RPS6KC1: variants seen among roughly 807,000 people sequenced by gnomAD.
The protein encoded by RPS6KC1 is ribosomal protein S6 kinase C1, also known as inactive ribosomal protein S6 kinase delta-1.
RPS6KC1 carries 54 observed loss-of-function variants against 103.8 expected under a neutral mutation model. The ratio of observed to expected loss-of-function variants is 0.52; its 90% confidence interval spans 0.42 to 0.65. The LOEUF (loss-of-function observed/expected upper bound fraction) is 0.65, where lower values mean the gene tolerates loss of function less well. Ranked by LOEUF, RPS6KC1 falls within the 30% of genes least tolerant of loss-of-function variation. The pLI is 0.00. For synonymous variants in RPS6KC1, 439 were observed against 438.7 expected (o/e 1.00, Z -0.01); for missense variants, 1,151 against 1,253.8 (o/e 0.92, Z 1.24).
chr1:213,137,783 A>C (rs1346709600), intron 6 of RPS6KC1, among the ~76,000 whole-genome samples: 2,276 of 18,542 alleles, frequency 0.12, 180 homozygotes, highest in East Asian at 0.24. Flanking sequence ...CTCTCTATAT[A>C]TATATATATA....
chr1:213,823,448 C>G, the RPS6KC1 span, among the ~76,000 whole-genome samples: 2 of 152,048 alleles, frequency 1.3e-5, no homozygotes, highest in African/African-American at 4.8e-5. Context: ...AGCTCTGTAT[C>G]CTGTGAGAGC....
chr1:213,750,702 G>A, the RPS6KC1 span, among the ~76,000 whole-genome samples: 2 of 152,270 alleles, frequency 1.3e-5, no homozygotes, highest in Non-Finnish European at 1.5e-5. Context: ...TTTAATAGGT[G>A]GCTGCTTATG....
chr1:213,620,510 G>T, the RPS6KC1 span, among the ~76,000 whole-genome samples: 1 of 152,186 alleles, frequency 6.6e-6, no homozygotes, highest in East Asian at 1.9e-4. Context: ...GGTAGGCCCA[G>T]AACTAGCAAA....
chr1:213,201,048 AAT>A (rs1459208157), intron 8 of RPS6KC1, among the ~76,000 whole-genome samples: 1 of 152,206 alleles, frequency 6.6e-6, no homozygotes. Flanking sequence ...GTGATGAAAT[AAT>A]CTGTACAACA....
chr1:213,622,250 T>TTA, the RPS6KC1 span, among the ~76,000 whole-genome samples: 2 of 151,614 alleles, frequency 1.3e-5, no homozygotes, highest in South Asian at 4.2e-4. Flanking sequence ...TTTTTTTTTT[T>TTA]AAGCTCTGAA....
At chr1:213,510,654 C>T in the RPS6KC1 span, among the ~76,000 whole-genome samples, 3 of 152,190 alleles carry the variant, frequency 2.0e-5, no homozygotes, top group Non-Finnish European at 4.4e-5. Context: ...CACTCACGGT[C>T]TCCAGTTCAA....
intron 8 of RPS6KC1, among the ~76,000 whole-genome samples, chr1:213,204,753 A>G (rs2093286341): frequency 6.6e-6 from 1 of 150,762 alleles, no homozygotes; most frequent in Non-Finnish European, 1.5e-5. Context: ...CCTCCTGTGT[A>G]GCCAGGACCA....
chr1:213,139,548 T>C (rs2086775406), intron 6 of RPS6KC1, among the ~76,000 whole-genome samples: 1 of 152,102 alleles, frequency 6.6e-6, no homozygotes, highest in Non-Finnish European at 1.5e-5. Flanking sequence ...CCATTTCCAA[T>C]CTTTTGCATA....
chr1:213,190,937 T>G (rs1293179862), intron 8 of RPS6KC1, among the ~76,000 whole-genome samples: 2 of 152,344 alleles, frequency 1.3e-5, no homozygotes, highest in South Asian at 2.1e-4. Context: ...TGGCACCTTT[T>G]GTCAAAAATA....
the RPS6KC1 span, among the ~76,000 whole-genome samples, chr1:213,571,915 C>A: frequency 1.3e-5 from 2 of 152,206 alleles, no homozygotes; most frequent in African/African-American, 2.4e-5. Flanking sequence ...TTCTGTATTT[C>A]TTACAAGCTC....
the RPS6KC1 span, among the ~76,000 whole-genome samples, chr1:213,474,820 T>TA: frequency 2.6e-3 from 394 of 150,832 alleles, no homozygotes; most frequent in African/African-American, 9.0e-3. Context: ...AAATTCAAAT[T>TA]AAAAAAAAAG....
chr1:213,780,666 A>C, the RPS6KC1 span, among the ~76,000 whole-genome samples: 3 of 152,188 alleles, frequency 2.0e-5, no homozygotes, highest in South Asian at 2.1e-4. Context: ...GAAAAGAAGA[A>C]GGCCCTAGTT....
the RPS6KC1 span, among the ~76,000 whole-genome samples, chr1:213,397,408 T>G: frequency 6.6e-6 from 1 of 152,028 alleles, no homozygotes; most frequent in African/African-American, 2.4e-5. Context: ...AAATTGTTCA[T>G]TCCTAGTTAA....
chr1:213,381,778 C>T, the RPS6KC1 span, among the ~76,000 whole-genome samples: 1 of 152,204 alleles, frequency 6.6e-6, no homozygotes, highest in African/African-American at 2.4e-5. Flanking sequence ...GTTGGTTCTC[C>T]ATTTGTTTGC....
Position 213,071,025 on chromosome 1 carries a change from C to A in RPS6KC1, c.125C>A (p.Pro42Gln). The A allele has an allele frequency of 6.5e-7, 1 of 1,540,660 alleles. No individual in the cohort carries two copies. The highest frequency in any genetic ancestry group is 1.2e-5 in the South Asian group (1 of 82,970). The change falls in exon 2 of 15, where the codon CCA becomes CAA. Residue 42 changes from proline (P) to glutamine (Q), a missense_variant. By Grantham distance (76) the Pro-to-Gln change is moderately conservative. Around this residue, in one of 3 missense-constraint regions of RPS6KC1, gnomAD observed 959 missense variants for 1,006.3 expected, o/e 0.95. Transcript: ENST00000366960. The part of the protein sequence containing the change: ...VTARVVSRRN[P>Q]EDVQEIIVWK... ...TTTTAGGTTGTTTCACGAAGAAATC[C>A]AGAGGATGTCCAGGAGGTAACATTT...
intron 8 of RPS6KC1, among the ~76,000 whole-genome samples, chr1:213,214,853 C>T (rs537796408): frequency 3.2e-4 from 49 of 152,162 alleles, no homozygotes; most frequent in African/African-American, 9.6e-4. Flanking sequence ...ACAGAAAGGA[C>T]GTCGACACCA....
intron 3 of RPS6KC1, among the ~76,000 whole-genome samples, chr1:213,083,245 C>T (rs566706241): frequency 2.6e-5 from 4 of 152,220 alleles, no homozygotes; most frequent in Admixed American, 6.5e-5. Flanking sequence ...TGTTTTTCAC[C>T]GAAAAGGAGG....
At chr1:213,544,830 A>G in the RPS6KC1 span, among the ~76,000 whole-genome samples, 3 of 152,262 alleles carry the variant, frequency 2.0e-5, no homozygotes. Flanking sequence ...CTCCTCTCTC[A>G]TTCCTTCTTG....
chr1:213,148,353 A>C (rs1285621473), intron 6 of RPS6KC1, among the ~76,000 whole-genome samples: 1 of 152,088 alleles, frequency 6.6e-6, no homozygotes, highest in African/African-American at 2.4e-5. Flanking sequence ...TGTGTTCCTT[A>C]TATATCCAGT....
Sources: allele counts gnomAD v4.1 joint callset (sites outside exome capture counted in the v4.1 genomes callset), GRCh38; gene constraint gnomAD v4.1.1; regional missense constraint gnomAD v4.1.1; transcripts MANE v1.5; gene names NCBI Gene and HGNC (gene_info 2026-07-23, HGNC 2026-07-21).